Variants in SCN9A observed in about 807,000 individuals in gnomAD.
SCN9A encodes the protein sodium voltage-gated channel alpha subunit 9.
A neutral mutation model predicts 187.0 loss-of-function variants in SCN9A; 131 were observed. The ratio of observed to expected loss-of-function variants is 0.70; its 90% CI spans 0.61 to 0.81. SCN9A has a LOEUF of 0.81. Among genes scored for constraint, SCN9A ranks in the 30% least tolerant of loss-of-function variants. The pLI is 0.00. For missense variants in SCN9A, 2,252 were observed against 2,396.6 expected, an observed-to-expected ratio of 0.94 and a Z score of 1.26; for synonymous variants, 809 against 808.6, an observed-to-expected ratio of 1.00 and a Z score of -0.01.
intron 17 of SCN9A, among the ~76,000 whole-genome samples, chr2:166,262,702 T>A (rs968524712): frequency 2.0e-5 from 3 of 152,000 alleles, no homozygotes; most frequent in African/African-American, 7.2e-5. Context: ...ACTAACCAAA[T>A]CTTTTCTTAA....
chr2:166,222,180 T>A (rs1694616336), intron 24 of SCN9A, among the ~76,000 whole-genome samples: 2 of 152,284 alleles, frequency 1.3e-5, no homozygotes, highest in Admixed American at 1.3e-4. Flanking sequence ...AAAAGCAACC[T>A]ATAGAATGGG....
intron 24 of SCN9A, among the ~76,000 whole-genome samples, chr2:166,215,961 T>G (rs1255745820): frequency 6.6e-6 from 1 of 152,058 alleles, no homozygotes; most frequent in Non-Finnish European, 1.5e-5. Context: ...CCAATATTCT[T>G]GATGAACATA....
chr2:166,287,676 C>A (rs1301012847), intron 10 of SCN9A, among the ~76,000 whole-genome samples: 1 of 151,990 alleles, frequency 6.6e-6, no homozygotes, highest in African/African-American at 2.4e-5. Flanking sequence ...TAGTACAAGC[C>A]TTCTCAAACA....
At chr2:166,369,099 T>C (rs1250253981) in intron 1 of SCN9A, among the ~76,000 whole-genome samples, 2 of 152,014 alleles carry the variant, frequency 1.3e-5, no homozygotes, top group Non-Finnish European at 2.9e-5. Flanking sequence ...GACACTAAAG[T>C]GGCTGTTTTG....
intron 22 of SCN9A, among the ~76,000 whole-genome samples, chr2:166,228,052 C>T (rs1694914623): frequency 6.6e-6 from 1 of 151,926 alleles, no homozygotes. Context: ...GTTCTCCATG[C>T]CTGTGGGAAG....
chr2:166,218,628 C>G (rs1345681634), intron 24 of SCN9A, among the ~76,000 whole-genome samples: 2 of 152,144 alleles, frequency 1.3e-5, no homozygotes, highest in East Asian at 3.9e-4. Flanking sequence ...GGAAGACAGC[C>G]TAGGCAATAC....
chr2:166,235,681 A>G (rs1478804054), intron 20 of SCN9A, among the ~76,000 whole-genome samples: 1 of 151,966 alleles, frequency 6.6e-6, no homozygotes, highest in Non-Finnish European at 1.5e-5. Flanking sequence ...CTTTTCAGAA[A>G]AAAAAAAAAT....
At chr2:166,227,762 C>T (rs779913423) in intron 22 of SCN9A, 39 bp from the exon 23 acceptor site, 3 of 1,039,238 alleles carry the variant, frequency 2.9e-6, no homozygotes, top group African/African-American at 3.2e-5. Flanking sequence ...ATGTTAAGCT[C>T]ATATTCTAAA....
chr2:166,231,218 A>T (rs967080157), intron 21 of SCN9A, among the ~76,000 whole-genome samples: 2 of 151,804 alleles, frequency 1.3e-5, no homozygotes, highest in African/African-American at 4.9e-5. Flanking sequence ...TAATGCTCAA[A>T]AAATTAAGTT....
At chr2:166,301,724 A>G (rs1484482005) in intron 7 of SCN9A, 1 of 150,918 alleles carries the variant, frequency 6.6e-6, no homozygotes, top group African/African-American at 2.5e-5. Flanking sequence ...TAAGTTACTC[A>G]TCAGATATAT....
At chr2:166,329,346 C>G (rs1443903716) in intron 1 of SCN9A, among the ~76,000 whole-genome samples, 1 of 152,046 alleles carries the variant, frequency 6.6e-6, no homozygotes, top group African/African-American at 2.4e-5. Context: ...AAATAATGGT[C>G]ACATGTGTGA....
chr2:166,207,428 TTTGTTGTTG>T (rs61122536), intron 24 of SCN9A, among the ~76,000 whole-genome samples: 4,512 of 150,154 alleles, frequency 0.03, 482 homozygotes, highest in Admixed American at 0.2. Context: ...TTAGAGTGTT[TTTGTTGTTG>T]TTGTTGTTGT....
At chr2:166,331,095 T>G (rs890213676) in intron 1 of SCN9A, among the ~76,000 whole-genome samples, 1 of 152,198 alleles carries the variant, frequency 6.6e-6, no homozygotes, top group Non-Finnish European at 1.5e-5. Flanking sequence ...AAATAAGTTG[T>G]CTCTGTATTA....
chr2:166,289,992 C>T (rs192895198), intron 9 of SCN9A, among the ~76,000 whole-genome samples: 93 of 152,146 alleles, frequency 6.1e-4, no homozygotes, highest in African/African-American at 2.0e-3. Context: ...GTGGTTTGCT[C>T]CACCTATCAA....
rs545665657 is a variant in SCN9A at position 166,288,682 on chromosome 2, G to GT, written c.1108-40dup. The GT allele has an allele frequency of 2.1e-4, 314 of 1,460,506 alleles. 1 individual carries two copies. The African/African-American group carries it at 4.3e-3, about 20-fold the overall frequency. 90.5% of individuals were successfully genotyped at this position (1,460,506 alleles called of 1,614,324 possible). ...GAAATTGTCATTTGAACAATAAAAA[G>GT]TTTTTTTAGTAAATTATTTCAATTT... is the stretch of plus-strand genomic sequence containing the variant. On this transcript the variant is annotated intron_variant, in intron 9 of 26. Coordinates refer to ENST00000642356, the MANE Select transcript of SCN9A (RefSeq NM_001365536.1).
intron 26 of SCN9A, among the ~76,000 whole-genome samples, 153 bp from the exon 27 acceptor site, chr2:166,200,017 A>C (rs1165326519): frequency 8.8e-5 from 1 of 11,382 alleles, no homozygotes; most frequent in Admixed American, 7.6e-4. Context: ...TTTTTTTTTG[A>C]GACGGAGTCT....
chr2:166,241,541 T>C (rs1363010644), intron 19 of SCN9A, among the ~76,000 whole-genome samples: 1 of 152,194 alleles, frequency 6.6e-6, no homozygotes, highest in East Asian at 1.9e-4. Context: ...CAGCAGTTTT[T>C]AATTTCCTGA....
At position 166,203,220 on chromosome 2, in the gene SCN9A, T is replaced by C. The variant is rs114321833; in HGVS notation, c.4774+735A>G. On this transcript the variant is annotated intron_variant, in intron 26 of 26. Coordinates refer to ENST00000642356, the MANE Select transcript of SCN9A (RefSeq NM_001365536.1). Reference sequence around the variant, plus strand: ...TCATGCAACCTTGAACCTTTTCAGATTGATAACCTGTTGATTAAACTTGTA... The same window carrying C: ...TCATGCAACCTTGAACCTTTTCAGACTGATAACCTGTTGATTAAACTTGTA... Among the ~76,000 whole-genome samples, 836 of 151,990 alleles carry C rather than the reference T, an allele frequency of 5.5e-3. 10 individuals carry two copies. Among genetic ancestry groups the C allele is most frequent in the African/African-American group, 0.019 (780 of 41,558 alleles).
At chr2:166,233,285 A>C (rs1695175909) in intron 21 of SCN9A, 55 bp downstream of exon 21, 1 of 1,298,602 alleles carries the variant, frequency 7.7e-7, no homozygotes, top group African/African-American at 1.6e-5. Flanking sequence ...CATTGTTTTT[A>C]TATTTTAAAC....
Sources: gnomAD v4.1 joint callset for allele counts (sites outside exome capture counted in the v4.1 genomes callset) on GRCh38, gnomAD v4.1.1 for gene constraint, MANE v1.5 for transcripts, NCBI Gene and HGNC (gene_info 2026-07-23, HGNC 2026-07-21) for gene names.